The following GPLD1 variants were observed in gnomAD, a reference collection of about 807,000 sequenced individuals.
The protein encoded by GPLD1 is glycosylphosphatidylinositol specific phospholipase D1, also known as phosphatidylinositol-glycan-specific phospholipase D.
A neutral mutation model predicts 112.6 loss-of-function variants in GPLD1; 84 were observed. The ratio of observed to expected loss-of-function variants is 0.75; its 90% CI spans 0.63 to 0.89. The LOEUF is 0.89. Ranked by LOEUF, GPLD1 falls within the 40% of genes least tolerant of loss-of-function variation. The pLI is 0.00. For synonymous variants in GPLD1, 386 were observed against 403.8 expected, an observed-to-expected ratio of 0.96 and a Z score of 0.53; for missense variants, 1,044 against 1,051.5, an observed-to-expected ratio of 0.99 and a Z score of 0.10.
intron 20 of GPLD1, among the ~76,000 whole-genome samples, chr6:24,444,494 ATTTATTTT>A (rs1215556764): frequency 6.6e-6 from 1 of 150,434 alleles, no homozygotes; most frequent in Non-Finnish European, 1.5e-5. Context: ...AATGGTTCTT[ATTTATTTT>A]TTTTTTTAAA....
Position 24,460,378 on chromosome 6 carries a change from A to G in GPLD1, c.909T>C (p.Asp303=). The part of the protein sequence containing the change: ...HTQGSKMQKN[D]FHRNLTTSLT... ...GGGATGTAGTCAAATTTCTGTGAAA[A>G]TCATTTTTCTGCATTTTTGAGCTGT... The change falls in exon 12 of 25, where the codon GAT becomes GAC. Residue 303 remains aspartate (D), a synonymous_variant. Coordinates refer to ENST00000230036, the MANE Select transcript of GPLD1 (RefSeq NM_001503.4). 1.2e-6 allele frequency: 2 copies of G among 1,613,922 alleles called. No individual in the cohort carries two copies. Among genetic ancestry groups the G allele is most frequent in the Non-Finnish European group, 1.7e-6 (2 of 1,179,880 alleles).
Position 24,462,802 on chromosome 6 carries a change from A to G in GPLD1, c.822-7T>C. The G allele has an allele frequency of 6.2e-7, 1 of 1,604,468 alleles. No homozygotes were observed. Among genetic ancestry groups the G allele is most frequent in the South Asian group, 1.1e-5 (1 of 90,814 alleles). On this transcript the variant is annotated splice_polypyrimidine_tract_variant and splice_region_variant and intron_variant, in intron 10 of 24. Coordinates refer to ENST00000230036, the MANE Select transcript of GPLD1 (RefSeq NM_001503.4). ...CTCAGGCAGGTTGCAGTCACTGAGG[A>G]AACAGTCAAATGAGTTAGCCATTTA...
intron 3 of GPLD1, among the ~76,000 whole-genome samples, chr6:24,479,412 T>C (rs1031623304): frequency 6.6e-5 from 10 of 152,238 alleles, no homozygotes; most frequent in African/African-American, 2.4e-4. Context: ...TAATAGTATC[T>C]GCGATTTGCA....
Position 24,434,395 on chromosome 6 carries a change from TA to T in GPLD1, c.2359-1007del, listed in dbSNP as rs911797667. Among the ~76,000 whole-genome samples, 678 of 135,666 alleles carry T rather than the reference TA, an allele frequency of 5.0e-3. 2 individuals are homozygous for T. Among genetic ancestry groups the T allele is most frequent in the African/African-American group, 0.011 (401 of 37,192 alleles). The allele number at this position is 135,666 out of a possible 152,430, so 89.0% of individuals were successfully genotyped here. On this transcript the variant is annotated intron_variant, in intron 22 of 24. Transcript: ENST00000230036. ...CCTGGATGACAGAGTGAGACTCCAT[TA>T]AAAAAAAAAAAGTTACAAAATTATG...
intron 20 of GPLD1, among the ~76,000 whole-genome samples, chr6:24,440,476 GTTAC>G (rs1762709680): frequency 6.7e-6 from 1 of 148,862 alleles, no homozygotes; most frequent in Middle Eastern, 3.6e-3. Context: ...TCAACTGTAA[GTTAC>G]TTAATGTCAC....
At chr6:24,475,930 C>T (rs879009560) in intron 4 of GPLD1, among the ~76,000 whole-genome samples, 2 of 151,934 alleles carry the variant, frequency 1.3e-5, no homozygotes, top group South Asian at 4.1e-4. Flanking sequence ...AAACGTTTTA[C>T]GATGTGTTGG....
chr6:24,478,517 C>T (rs1400321975), intron 3 of GPLD1, among the ~76,000 whole-genome samples: 2 of 152,200 alleles, frequency 1.3e-5, no homozygotes, highest in Non-Finnish European at 2.9e-5. Context: ...TCCTTCCAGA[C>T]CCACTCCCCA....
chr6:24,462,309 T>A (rs116382677), intron 11 of GPLD1, among the ~76,000 whole-genome samples: 4,817 of 152,076 alleles, frequency 0.032, 96 homozygotes, highest in Non-Finnish European at 0.045. Context: ...ATTTTGTTCA[T>A]TTTTTGTAGA....
exon 1 of GPLD1, chr6:24,494,990 C>T: frequency 7.6e-7 from 1 of 1,315,170 alleles, no homozygotes; most frequent in Non-Finnish European, 9.7e-7. Context: ...CCGTCGTTGC[C>T]CGGGCCATGG....
At chr6:24,425,516 C>T (rs1762204365), downstream of GPLD1, 1 of 152,172 alleles carries the variant, frequency 6.6e-6, no homozygotes, top group South Asian at 2.1e-4. Context: ...TCAACTAGTT[C>T]CACTTTTGTG....
At chr6:24,448,585 G>A (rs1405368255) in intron 15 of GPLD1, among the ~76,000 whole-genome samples, 1 of 152,074 alleles carries the variant, frequency 6.6e-6, no homozygotes, top group African/African-American at 2.4e-5. Flanking sequence ...ATGCAGAAAT[G>A]ATGTCATTTA....
At chr6:24,451,347 GTTT>G (rs1561838565) in intron 14 of GPLD1, among the ~76,000 whole-genome samples, 4 of 149,394 alleles carry the variant, frequency 2.7e-5, no homozygotes, top group Non-Finnish European at 5.9e-5. Flanking sequence ...TTTTGTTTTT[GTTT>G]TTTGTTTTTG....
chr6:24,477,118 C>T (rs550144160), intron 3 of GPLD1, among the ~76,000 whole-genome samples: 1 of 151,428 alleles, frequency 6.6e-6, no homozygotes, highest in African/African-American at 2.4e-5. Flanking sequence ...TTCTTGTTCT[C>T]CAGAATACAG....
rs373686127 is a variant in GPLD1 at position 24,474,273 on chromosome 6, T to G, written c.442-606A>C. On this transcript the variant is annotated intron_variant, in intron 5 of 24. Transcript: ENST00000230036. The stretch of plus-strand genomic sequence containing the variant: ...AGCTACTACAGACAACTCTGCCTTA[T>G]AGGATATATATAAAAATCTCTGAGT... 3.3e-5 allele frequency among the ~76,000 whole-genome samples: 5 copies of G among 152,164 alleles called. No individual in the cohort carries two copies. The South Asian group carries it at 8.3e-4, about 25-fold the overall frequency.
rs753263239 is a variant in GPLD1 at position 24,475,113 on chromosome 6, G to A, written c.441+8C>T. 7 of 1,370,852 alleles carry A rather than the reference G, an allele frequency of 5.1e-6. No individual in the cohort carries two copies. The South Asian group carries it at 7.0e-5, about 14-fold the overall frequency. 84.9% of individuals were successfully genotyped at this position (1,370,852 alleles called of 1,614,324 possible). On this transcript the variant is annotated splice_region_variant and intron_variant, in intron 5 of 24. Transcript: ENST00000230036. ...ATAAAGTCATTCCCCATAAAGGGAT[G>A]TACTCACAGCTCCCATGGTCCTAAG...
intron 24 of GPLD1, among the ~76,000 whole-genome samples, chr6:24,432,701 A>T (rs1762445342): frequency 6.6e-6 from 1 of 152,256 alleles, no homozygotes; most frequent in Non-Finnish European, 1.5e-5. Context: ...ACAATTTTGG[A>T]GAACAGGCAG....
chr6:24,427,456 C>G lies in GPLD1; in HGVS notation c.*1576G>C, dbSNP rs190269227. On this transcript the variant is annotated 3_prime_UTR_variant, in exon 25 of 25. Coordinates refer to ENST00000230036, the MANE Select transcript of GPLD1 (RefSeq NM_001503.4). ...TCTTTAGGTGTTAGAACAGCCAACT[C>G]TACAAAAGTATTGGAGGGCACAGAA... Among the ~76,000 whole-genome samples the G allele has an allele frequency of 6.6e-6, 1 of 152,316 alleles. No individual in the cohort carries two copies. Among genetic ancestry groups the G allele is most frequent in the African/African-American group, 2.4e-5 (1 of 41,566 alleles).
chr6:24,482,152 T>G (rs1002884256), intron 2 of GPLD1, among the ~76,000 whole-genome samples: 1 of 142,302 alleles, frequency 7.0e-6, no homozygotes, highest in Non-Finnish European at 1.5e-5. Flanking sequence ...CGGGCTGGAG[T>G]GCAGTGGCGT....
chr6:24,470,140 G>GT (rs1404926187), intron 7 of GPLD1, among the ~76,000 whole-genome samples: 1 of 150,192 alleles, frequency 6.7e-6, no homozygotes, highest in Non-Finnish European at 1.5e-5. Flanking sequence ...TTTTTTGTTT[G>GT]TTTTTTTGAG....
Sources: gnomAD v4.1 joint callset for allele counts (sites outside exome capture counted in the v4.1 genomes callset) on GRCh38, gnomAD v4.1.1 for gene constraint, MANE v1.5 for transcripts, NCBI Gene and HGNC (gene_info 2026-07-23, HGNC 2026-07-21) for gene names.